The following ARL3 variants were observed in gnomAD, a reference collection of about 807,000 sequenced individuals.
The protein encoded by ARL3 is ADP-ribosylation factor-like protein 3.
A neutral mutation model predicts 26.0 loss-of-function variants in ARL3; 9 were observed. That is an observed-to-expected ratio of 0.35 (90% CI 0.21 to 0.60). The LOEUF is 0.60. ARL3 is among the 20% of genes least tolerant of loss of function. The pLI is 0.78. For missense variants in ARL3, 158 were observed against 215.7 expected, an observed-to-expected ratio of 0.73 and a Z score of 1.67; for synonymous variants, 71 against 78.4, an observed-to-expected ratio of 0.91 and a Z score of 0.50.
intron 1 of ARL3, among the ~76,000 whole-genome samples, chr10:102,706,494 T>C (rs1016873586): frequency 6.6e-6 from 1 of 152,108 alleles, no homozygotes; most frequent in Non-Finnish European, 1.5e-5. Flanking sequence ...TCAAGACTTC[T>C]TCATTCAAAA....
At chr10:102,698,304 C>A (rs2064260385) in intron 3 of ARL3, among the ~76,000 whole-genome samples, 1 of 151,912 alleles carries the variant, frequency 6.6e-6, no homozygotes, top group Non-Finnish European at 1.5e-5. Flanking sequence ...GCCTCCTGGG[C>A]TCAAGCGATC....
chr10:102,702,779 C>T (rs2064287117), intron 2 of ARL3, among the ~76,000 whole-genome samples: 1 of 152,306 alleles, frequency 6.6e-6, no homozygotes, highest in Non-Finnish European at 1.5e-5. Flanking sequence ...TTGGGCTATA[C>T]ATTAAATTTG....
chr10:102,685,709 T>C, intron 5 of ARL3, 107 bp downstream of exon 5: 2 of 1,216,062 alleles, frequency 1.6e-6, no homozygotes, highest in Non-Finnish European at 2.3e-6. Flanking sequence ...ATGCCCTTCA[T>C]ATCTTGGAAT....
intron 3 of ARL3, among the ~76,000 whole-genome samples, chr10:102,692,938 T>C (rs1448340103): frequency 6.6e-6 from 1 of 152,048 alleles, no homozygotes; most frequent in Non-Finnish European, 1.5e-5. Flanking sequence ...CCTCGTGATC[T>C]GCCCGCCTTG....
chr10:102,694,146 C>T (rs1300159423), intron 3 of ARL3, among the ~76,000 whole-genome samples: 2 of 152,090 alleles, frequency 1.3e-5, no homozygotes, highest in Non-Finnish European at 2.9e-5. Flanking sequence ...TGCCACCGCG[C>T]CCGGCTAATT....
intron 3 of ARL3, among the ~76,000 whole-genome samples, chr10:102,692,843 G>A (rs1194188879): frequency 6.6e-6 from 1 of 152,180 alleles, no homozygotes; most frequent in African/African-American, 2.4e-5. Context: ...CTAGTAGGCT[G>A]GGACTACAGG....
At chr10:102,697,490 C>T (rs1238274426) in intron 3 of ARL3, among the ~76,000 whole-genome samples, 2 of 152,180 alleles carry the variant, frequency 1.3e-5, no homozygotes, top group Non-Finnish European at 2.9e-5. Context: ...CTATTATAAT[C>T]TTAAGGGACC....
intron 2 of ARL3, among the ~76,000 whole-genome samples, chr10:102,703,079 T>A (rs1336226497): frequency 6.6e-6 from 1 of 151,912 alleles, no homozygotes; most frequent in Non-Finnish European, 1.5e-5. Flanking sequence ...GGGAATGAGT[T>A]CTAAGAAACC....
chr10:102,677,947 C>G (rs2064138252), intron 5 of ARL3, among the ~76,000 whole-genome samples: 1 of 152,144 alleles, frequency 6.6e-6, no homozygotes, highest in Non-Finnish European at 1.5e-5. Flanking sequence ...CGAACCTGAA[C>G]AGCTGAGACA....
chr10:102,682,469 G>A (rs1013921290), intron 5 of ARL3, among the ~76,000 whole-genome samples: 1 of 152,160 alleles, frequency 6.6e-6, no homozygotes, highest in African/African-American at 2.4e-5. Flanking sequence ...TCCCACCCCT[G>A]TAATGGCTTC....
chr10:102,708,537 A>T (rs2064320847), intron 1 of ARL3, among the ~76,000 whole-genome samples: 1 of 152,168 alleles, frequency 6.6e-6, no homozygotes, highest in Non-Finnish European at 1.5e-5. Flanking sequence ...GAAATTATGA[A>T]GGAAGATCTG....
chr10:102,702,994 C>T (rs1380390120), intron 2 of ARL3, among the ~76,000 whole-genome samples: 1 of 152,120 alleles, frequency 6.6e-6, no homozygotes, highest in Admixed American at 6.6e-5. Flanking sequence ...TGCTCAAACA[C>T]TTTAAAGTGA....
At chr10:102,680,462 C>T (rs1463188923) in intron 5 of ARL3, among the ~76,000 whole-genome samples, 3 of 152,092 alleles carry the variant, frequency 2.0e-5, no homozygotes, top group Admixed American at 1.3e-4. Context: ...TTTGTTTGGC[C>T]TCCTAGAGAG....
chr10:102,705,237 CAG>C, intron 2 of ARL3, 107 bp downstream of exon 2: 2 of 1,326,266 alleles, frequency 1.5e-6, no homozygotes, highest in South Asian at 1.9e-5. Context: ...AGACTTTTCT[CAG>C]AGACAAAACT....
intron 2 of ARL3, among the ~76,000 whole-genome samples, chr10:102,703,887 C>T (rs187429216): frequency 2.5e-4 from 38 of 151,754 alleles, no homozygotes; most frequent in Non-Finnish European, 4.9e-4. Flanking sequence ...AGGTGGTTCA[C>T]GCCTGTAATC....
intron 2 of ARL3, among the ~76,000 whole-genome samples, chr10:102,700,139 C>T (rs969712901): frequency 1.3e-5 from 2 of 152,098 alleles, no homozygotes; most frequent in Non-Finnish European, 2.9e-5. Flanking sequence ...AGGCTGGGTG[C>T]GTAGCTCACG....
At chr10:102,679,902 G>A (rs1376050853) in intron 5 of ARL3, among the ~76,000 whole-genome samples, 1 of 152,144 alleles carries the variant, frequency 6.6e-6, no homozygotes, top group Non-Finnish European at 1.5e-5. Flanking sequence ...GGAACCTTCT[G>A]CTTCTTATGT....
At chr10:102,679,991 G>T (rs540916094) in intron 5 of ARL3, among the ~76,000 whole-genome samples, 2 of 151,948 alleles carry the variant, frequency 1.3e-5, no homozygotes, top group Non-Finnish European at 2.9e-5. Context: ...TTGCTCTGTC[G>T]CCCAGGCTGG....
rs2064304152 is a variant in ARL3 at position 102,705,416 on chromosome 10, T to C, written c.77A>G (p.Asp26Gly). 1 of 1,612,278 alleles carries C rather than the reference T, an allele frequency of 6.2e-7. No homozygotes were observed. The highest frequency in any genetic ancestry group is 8.5e-7 in the Non-Finnish European group (1 of 1,178,888). ...QEVRILLLGL[D>G]NAGKTTLLKQ... ...CAGAAGAGTGGTCTTGCCAGCATTA[T>C]CCAAGCCCAGGAGAAGTATTCTCAC... Residue 26 changes from aspartate (D) to glycine (G), a missense_variant, in exon 2 of 6, where the codon GAT becomes GGT. By Grantham distance (94) the Asp-to-Gly change is moderately conservative (BLOSUM62 -1). Transcript: ENST00000260746.
Sources: allele counts gnomAD v4.1 joint callset (sites outside exome capture counted in the v4.1 genomes callset), GRCh38; gene constraint gnomAD v4.1.1; transcripts MANE v1.5; gene names NCBI Gene and HGNC (gene_info 2026-07-23, HGNC 2026-07-21).